TBCD: variants seen among roughly 807,000 people sequenced by gnomAD.
TBCD encodes tubulin folding cofactor D, also known as tubulin-specific chaperone D.
Under a neutral mutation model 169.3 loss-of-function variants are expected in TBCD, and 105 were observed. The ratio of observed to expected loss-of-function variants is 0.62; its 90% CI spans 0.53 to 0.73. The LOEUF (loss-of-function observed/expected upper bound fraction) is 0.73, where lower values mean the gene tolerates loss of function less well. Ranked by LOEUF, TBCD falls within the 30% of genes least tolerant of loss-of-function variation. The probability of loss-of-function intolerance (pLI) is 0.00; values close to 1 mark genes in which losing one functional copy is unlikely to be tolerated. For missense variants in TBCD, 1,444 were observed against 1,600.1 expected, an observed-to-expected ratio of 0.90 and a Z score of 1.66; for synonymous variants, 700 against 643.9, an observed-to-expected ratio of 1.09 and a Z score of -1.32.
At chr17:82,786,969 C>T (rs1159442857) in intron 7 of TBCD, among the ~76,000 whole-genome samples, 1 of 152,038 alleles carries the variant, frequency 6.6e-6, no homozygotes, top group African/African-American at 2.4e-5. Context: ...GCTCGCTGCC[C>T]CATTCCCCTC....
At chr17:82,839,518 A>G (rs1232487183) in intron 13 of TBCD, among the ~76,000 whole-genome samples, 1 of 151,476 alleles carries the variant, frequency 6.6e-6, no homozygotes, top group African/African-American at 2.5e-5. Context: ...ATGTACATAC[A>G]CCACACATAT....
At chr17:82,814,430 C>T (rs1052743976) in intron 12 of TBCD, among the ~76,000 whole-genome samples, 3 of 152,242 alleles carry the variant, frequency 2.0e-5, no homozygotes, top group Non-Finnish European at 4.4e-5. Flanking sequence ...TGTCCTCACT[C>T]TCGGGAGATC....
At chr17:82,844,523 C>G (rs1332825076) in intron 13 of TBCD, among the ~76,000 whole-genome samples, 1 of 151,992 alleles carries the variant, frequency 6.6e-6, no homozygotes, top group Non-Finnish European at 1.5e-5. Flanking sequence ...AGGGACCTGT[C>G]CTGTGGATCA....
At chr17:82,929,779 C>T in intron 32 of TBCD, 2 of 571,080 alleles carry the variant, frequency 3.5e-6, no homozygotes, top group South Asian at 3.9e-5. Flanking sequence ...CCTCGGGGTT[C>T]AATCCTCCAG....
chr17:82,835,819 A>C lies in TBCD; in HGVS notation c.1318+20885A>C, dbSNP rs2053923126. Reference sequence around the variant, plus strand: ...AGTTCTTTAAGACATTTATTTACTAAGAAGTGGTTTGGGTAGAAAAGGGGC... The same window carrying C: ...AGTTCTTTAAGACATTTATTTACTACGAAGTGGTTTGGGTAGAAAAGGGGC... On this transcript the variant is annotated intron_variant, in intron 13 of 38. Transcript: ENST00000355528. The surrounding 1 kb of genome is among the most constrained non-coding windows in gnomAD (Gnocchi z 4.5). Among the ~76,000 whole-genome samples the C allele has an allele frequency of 6.6e-6, 1 of 152,220 alleles. No homozygotes were observed. The highest frequency in any genetic ancestry group is 2.4e-5 in the African/African-American group (1 of 41,454).
intron 11 of TBCD, among the ~76,000 whole-genome samples, chr17:82,807,928 C>T (rs1041475547): frequency 3.3e-5 from 5 of 152,218 alleles, no homozygotes; most frequent in Non-Finnish European, 7.3e-5. Context: ...TCAAAATGTT[C>T]CCTTGCTTTT....
chr17:82,768,923 G>T (rs2048163425), intron 5 of TBCD, among the ~76,000 whole-genome samples: 1 of 152,172 alleles, frequency 6.6e-6, no homozygotes, highest in Non-Finnish European at 1.5e-5. Context: ...AGAAAATAAA[G>T]ATAAGCAAGA....
intron 7 of TBCD, among the ~76,000 whole-genome samples, chr17:82,786,960 C>T (rs1359091322): frequency 6.6e-6 from 1 of 151,694 alleles, no homozygotes; most frequent in Non-Finnish European, 1.5e-5. Flanking sequence ...GGCGGGACGG[C>T]TCGCTGCCCC....
At chr17:82,942,027 T>C (rs2063341929) in intron 38 of TBCD, 1 of 274,074 alleles carries the variant, frequency 3.6e-6, no homozygotes, top group Non-Finnish European at 6.8e-6. Context: ...AGGTTATATC[T>C]GAGAGGGAGG....
At position 82,930,193 on chromosome 17, in the gene TBCD, T is replaced by A; in HGVS notation, c.2992-329T>A. 1 of 353,426 alleles carries A rather than the reference T, an allele frequency of 2.8e-6. No homozygotes were observed. The highest frequency in any genetic ancestry group is 5.3e-6 in the Non-Finnish European group (1 of 190,156). 21.9% of individuals were successfully genotyped at this position (353,426 alleles called of 1,614,324 possible). On this transcript the variant is annotated intron_variant, in intron 32 of 38. Transcript: ENST00000355528. The surrounding 1 kb of genome is among the most constrained non-coding windows in gnomAD (Gnocchi z 5.2). ...CCCGAGACATTCTGCACTCGGGAAT[T>A]GCGGGGATTATCAAATCCCGCTTCA...
In TBCD at chr17:82,890,597, T is replaced by C. The variant is rs1029172548; in HGVS notation, c.1563+900T>C. On this transcript the variant is annotated intron_variant, in intron 16 of 38. Transcript: ENST00000355528. This position sits in a 1 kb window ranked among gnomAD's most constrained non-coding sequence, Gnocchi z 5.3. Reference sequence around the variant, plus strand: ...AGGCGGGCGGACGAGGACTTGCGCCTGTTATTGAAATGGTTCTGGAGGAGC... The same window carrying C: ...AGGCGGGCGGACGAGGACTTGCGCCCGTTATTGAAATGGTTCTGGAGGAGC... Among the ~76,000 whole-genome samples the C allele has an allele frequency of 6.6e-6, 1 of 151,878 alleles. No homozygotes were observed. Among genetic ancestry groups the C allele is most frequent in the Admixed American group, 6.5e-5 (1 of 15,268 alleles).
chr17:82,798,518 G>A (rs2050272443), intron 8 of TBCD, among the ~76,000 whole-genome samples: 1 of 152,216 alleles, frequency 6.6e-6, no homozygotes, highest in African/African-American at 2.4e-5. Context: ...CTGACCTAGT[G>A]ATCTGCCTGC....
intron 13 of TBCD, among the ~76,000 whole-genome samples, chr17:82,862,851 G>A (rs58535388): frequency 0.01 from 1,561 of 152,320 alleles, 20 homozygotes; most frequent in African/African-American, 0.035. Flanking sequence ...GCCTCATTCC[G>A]TTAAGTAGGG....
At chr17:82,773,261 G>T in intron 6 of TBCD, among the ~76,000 whole-genome samples, 1 of 152,214 alleles carries the variant, frequency 6.6e-6, no homozygotes, top group Non-Finnish European at 1.5e-5. Context: ...AACTTGCACA[G>T]CTTCTTTCCC....
chr17:82,763,197 T>G (rs956235024), intron 2 of TBCD, among the ~76,000 whole-genome samples: 2 of 152,202 alleles, frequency 1.3e-5, no homozygotes, highest in African/African-American at 4.8e-5. Context: ...CTTCTGTGCT[T>G]ATTTTGAAGC....
chr17:82,762,164 A>G lies in TBCD; in HGVS notation c.236-1801A>G, dbSNP rs145812673. On this transcript the variant is annotated intron_variant, in intron 2 of 38. Coordinates refer to ENST00000355528, the MANE Select transcript of TBCD (RefSeq NM_005993.5). The stretch of plus-strand genomic sequence containing the variant: ...ACCCCATCTCTACTAAAAATACAAA[A>G]AATTAGCCCAGTGTGGCGGTGTGCG... 7.6e-3 allele frequency among the ~76,000 whole-genome samples: 1,147 copies of G among 151,630 alleles called. 14 individuals are homozygous for G. Among genetic ancestry groups the G allele is most frequent in the African/African-American group, 0.027 (1,105 of 41,338 alleles).
chr17:82,804,269 C>G (rs1339269880), intron 9 of TBCD, among the ~76,000 whole-genome samples: 2 of 152,138 alleles, frequency 1.3e-5, no homozygotes, highest in Admixed American at 1.3e-4. Context: ...TCTCTTCATA[C>G]CAGTTACCCT....
At chr17:82,940,215 A>G (rs62076114) in intron 37 of TBCD, among the ~76,000 whole-genome samples, 4,340 of 96,736 alleles carry the variant, frequency 0.045, 154 homozygotes, top group African/African-American at 0.09. Context: ...GCTCACTTGC[A>G]CGCGCGCACA....
chr17:82,829,960 A>G (rs2053326532), intron 13 of TBCD: 1 of 986,848 alleles, frequency 1.0e-6, no homozygotes, highest in Non-Finnish European at 1.5e-6. Context: ...TTTAATATTC[A>G]TGCTTAATAT....
Sources: gnomAD v4.1 joint callset for allele counts (sites outside exome capture counted in the v4.1 genomes callset) on GRCh38, gnomAD v4.1.1 for gene constraint, Gnocchi (gnomAD v3.1) non-coding constraint, MANE v1.5 for transcripts, NCBI Gene and HGNC (gene_info 2026-07-23, HGNC 2026-07-21) for gene names.